The following CMAS variants were observed in gnomAD, a reference collection of about 807,000 sequenced individuals.
CMAS encodes N-acylneuraminate cytidylyltransferase.
In CMAS, 21 loss-of-function variants were observed where a neutral mutation model predicts 53.4. The observed-to-expected ratio is 0.39, with a 90% CI of 0.28 to 0.57. CMAS has a LOEUF of 0.57. Ranked by LOEUF, CMAS falls within the 20% of genes least tolerant of loss-of-function variation. The pLI is 0.56. For missense variants in CMAS, 384 were observed against 534.9 expected, an observed-to-expected ratio of 0.72 and a Z score of 2.78; for synonymous variants, 189 against 195.2, an observed-to-expected ratio of 0.97 and a Z score of 0.27.
At position 22,061,261 on chromosome 12, in the gene CMAS, TCTATTTTGGTTTCTTTTAGATATGG is replaced by T. The variant is rs756173897; in HGVS notation, c.789-10_803del. On this transcript the variant is annotated splice_acceptor_variant and splice_polypyrimidine_tract_variant and coding_sequence_variant and intron_variant, in exon 6 of 8. Coordinates refer to ENST00000229329, the MANE Select transcript of CMAS (RefSeq NM_018686.6). LOFTEE classifies it high-confidence loss of function. ...TTAGTACTGCACTTGTACTCAAAGG[TCTATTTTGGTTTCTTTTAGATATGG>T]CTATTTTGGCAAAGAGAAGCTTAAG... is the stretch of plus-strand genomic sequence containing the variant. 2 of 1,582,684 alleles carry T rather than the reference TCTATTTTGGTTTCTTTTAGATATGG, an allele frequency of 1.3e-6. No homozygotes were observed. Among genetic ancestry groups the T allele is most frequent in the South Asian group, 2.2e-5 (2 of 89,766 alleles).
At position 22,055,464 on chromosome 12, in the gene CMAS, T is replaced by A; in HGVS notation, c.413T>A (p.Ile138Asn). The change falls in exon 3 of 8, where the codon ATT becomes AAT. Residue 138 changes from isoleucine (I) to asparagine (N), a missense_variant. Around this residue, in one of 3 missense-constraint regions of CMAS, gnomAD observed 139 missense variants for 248.0 expected, o/e 0.56. Coordinates refer to ENST00000229329, the MANE Select transcript of CMAS (RefSeq NM_018686.6). ...EFLNYHNEVD[I>N]VGNIQATSPC... ...CTCTTGTCTTTTTAAGAGGTTGACA[T>A]TGTAGGAAATATTCAAGCTACTTCT... 1 of 1,590,222 alleles carries A rather than the reference T, an allele frequency of 6.3e-7. No homozygotes were observed. The highest frequency in any genetic ancestry group is 8.5e-7 in the Non-Finnish European group (1 of 1,173,348).
chr12:22,056,542 G>A lies in CMAS; in HGVS notation c.559+932G>A, dbSNP rs2138183661. ...GGTGTCTTATTAGGAGATACATCTTGTATGTGTTACTGACACTCACACCCA... is the reference window on the plus strand; with the variant it reads ...GGTGTCTTATTAGGAGATACATCTTATATGTGTTACTGACACTCACACCCA... On this transcript the variant is annotated intron_variant, in intron 3 of 7. Coordinates refer to ENST00000229329, the MANE Select transcript of CMAS (RefSeq NM_018686.6). Among the ~76,000 whole-genome samples, 2 of 152,236 alleles carry A rather than the reference G, an allele frequency of 1.3e-5. 1 individual carries two copies. Among genetic ancestry groups the A allele is most frequent in the South Asian group, 4.2e-4 (2 of 4,812 alleles).
chr12:22,057,225 T>TCA (rs758020700), intron 3 of CMAS, among the ~76,000 whole-genome samples: 2 of 144,014 alleles, frequency 1.4e-5, no homozygotes, highest in Non-Finnish European at 3.1e-5. Context: ...TAACCAGCTA[T>TCA]TACACACACA....
chr12:22,053,607 C>T (rs1036128549), intron 1 of CMAS, among the ~76,000 whole-genome samples: 3 of 151,048 alleles, frequency 2.0e-5, no homozygotes, highest in Non-Finnish European at 4.4e-5. Flanking sequence ...GGGCCGGGCA[C>T]GGTGGCTCAC....
chr12:22,051,284 C>T (rs1472778123), intron 1 of CMAS, among the ~76,000 whole-genome samples: 1 of 152,148 alleles, frequency 6.6e-6, no homozygotes, highest in African/African-American at 2.4e-5. Flanking sequence ...AACAGTGGTT[C>T]AGTGCTGTGT....
At position 22,065,585 on chromosome 12, in the gene CMAS, G is replaced by A. The variant is rs952614688; in HGVS notation, c.*274G>A. On this transcript the variant is annotated 3_prime_UTR_variant, in exon 8 of 8. Transcript: ENST00000229329. Reference sequence around the variant, plus strand: ...AACTGTGTGTTTGTGTGCTTTCAAAGATGTTGGGATTTTATTTATCTGGGG... The same window carrying A: ...AACTGTGTGTTTGTGTGCTTTCAAAAATGTTGGGATTTTATTTATCTGGGG... 3.9e-6 allele frequency: 1 copy of A among 254,478 alleles called. No homozygotes were observed. The highest frequency in any genetic ancestry group is 2.2e-5 in the African/African-American group (1 of 45,372). The allele number at this position is 254,478 out of a possible 1,614,324, so 15.8% of individuals were successfully genotyped here.
rs1195887932 is a variant in CMAS at position 22,055,439 on chromosome 12, C to G, written c.404-16C>G. The G allele has an allele frequency of 6.4e-7, 1 of 1,563,898 alleles. No homozygotes were observed. Among genetic ancestry groups the G allele is most frequent in the South Asian group, 1.2e-5 (1 of 82,840 alleles). ...TTTTTTTTAAATATCCTTTTCATTTCTCTTGTCTTTTTAAGAGGTTGACAT... is the reference window on the plus strand; with the variant it reads ...TTTTTTTTAAATATCCTTTTCATTTGTCTTGTCTTTTTAAGAGGTTGACAT... On this transcript the variant is annotated splice_polypyrimidine_tract_variant and intron_variant, in intron 2 of 7. Coordinates refer to ENST00000229329, the MANE Select transcript of CMAS (RefSeq NM_018686.6).
chr12:22,048,176 GC>G (rs1393405598), intron 1 of CMAS, among the ~76,000 whole-genome samples: 3 of 152,174 alleles, frequency 2.0e-5, no homozygotes, highest in Non-Finnish European at 4.4e-5. Flanking sequence ...AGTAGAGACA[GC>G]CCTTAGTCTC....
Position 22,063,585 on chromosome 12 carries a change from T to C in CMAS, c.1114+1151T>C, listed in dbSNP as rs535390367. On this transcript the variant is annotated intron_variant, in intron 7 of 7. Coordinates refer to ENST00000229329, the MANE Select transcript of CMAS (RefSeq NM_018686.6). Reference sequence around the variant, plus strand: ...CAGATAGTAATAAGTGTATCATTTATATAGGTAAAACTCTAGAATTATATG... The same window carrying C: ...CAGATAGTAATAAGTGTATCATTTACATAGGTAAAACTCTAGAATTATATG... 3.9e-5 allele frequency among the ~76,000 whole-genome samples: 6 copies of C among 152,262 alleles called. No homozygotes were observed. The South Asian group carries it at 1.2e-3, about 32-fold the overall frequency.
intron 1 of CMAS, among the ~76,000 whole-genome samples, chr12:22,049,597 C>G (rs1373744762): frequency 6.6e-6 from 1 of 152,186 alleles, no homozygotes; most frequent in Non-Finnish European, 1.5e-5. Context: ...CCTGTGGTAT[C>G]TGTCACTATA....
intron 1 of CMAS, among the ~76,000 whole-genome samples, chr12:22,046,782 C>G (rs1249538800): frequency 1.3e-5 from 2 of 152,228 alleles, no homozygotes; most frequent in Non-Finnish European, 2.9e-5. Flanking sequence ...TGGTCATAAC[C>G]TGGGACAGTT....
chr12:22,061,461 TC>T lies in CMAS; in HGVS notation c.960+12del. The T allele has an allele frequency of 6.6e-7, 1 of 1,518,904 alleles. No individual in the cohort carries two copies. The allele number at this position is 1,518,904 out of a possible 1,614,324, so 94.1% of individuals were successfully genotyped here. A position where few individuals can be genotyped will look rare whatever the true frequency, so the allele number is the denominator to read the frequency against. ...AGAAAAGTGGTATTGAGGTATGTGC[TC>T]CCTGAATATAGCAGTATTTTATAAT... On this transcript the variant is annotated intron_variant, in intron 6 of 7. Coordinates refer to ENST00000229329, the MANE Select transcript of CMAS (RefSeq NM_018686.6).
chr12:22,053,488 G>GTATA (rs553406435), intron 1 of CMAS, among the ~76,000 whole-genome samples: 7 of 144,830 alleles, frequency 4.8e-5, no homozygotes, highest in African/African-American at 1.8e-4. Flanking sequence ...GTTTGTGTGT[G>GTATA]TATATATATA....
chr12:22,061,179 A>G (rs1565531768), intron 5 of CMAS, 102 bp from the exon 6 acceptor site: 1 of 845,700 alleles, frequency 1.2e-6, no homozygotes, highest in Non-Finnish European at 2.0e-6. Context: ...TAATGTTTGA[A>G]TAATTGAATG....
intron 6 of CMAS, among the ~76,000 whole-genome samples, chr12:22,061,797 C>T (rs1950309712): frequency 6.6e-6 from 1 of 152,128 alleles, no homozygotes. Context: ...TTTTTAAAAT[C>T]TAGCTTATTC....
intron 1 of CMAS, 45 bp from the exon 2 acceptor site, chr12:22,055,104 G>A (rs1315092785): frequency 6.8e-7 from 1 of 1,481,234 alleles, no homozygotes; most frequent in East Asian, 2.4e-5. Flanking sequence ...TATTGTTAAT[G>A]ATTTCTTTTG....
At chr12:22,062,242 T>TC in intron 6 of CMAS, 39 bp from the exon 7 acceptor site, 3 of 1,536,892 alleles carry the variant, frequency 2.0e-6, no homozygotes, top group Middle Eastern at 1.8e-4. Context: ...TTTTAATTTT[T>TC]CCCTTCTTCC....
At chr12:22,063,352 T>TTTG (rs1320153956) in intron 7 of CMAS, among the ~76,000 whole-genome samples, 1 of 152,146 alleles carries the variant, frequency 6.6e-6, no homozygotes, top group African/African-American at 2.4e-5. Flanking sequence ...CTGCAGAATG[T>TTTG]TTGTTAAAGA....
In CMAS at chr12:22,061,268, T is replaced by C; in HGVS notation, c.789-13T>C. On this transcript the variant is annotated splice_polypyrimidine_tract_variant and intron_variant, in intron 5 of 7. Coordinates refer to ENST00000229329, the MANE Select transcript of CMAS (RefSeq NM_018686.6). ...TGCACTTGTACTCAAAGGTCTATTT[T>C]GGTTTCTTTTAGATATGGCTATTTT... The C allele has an allele frequency of 6.2e-7, 1 of 1,600,252 alleles. No individual in the cohort carries two copies. Among genetic ancestry groups the C allele is most frequent in the East Asian group, 2.2e-5 (1 of 44,658 alleles).
Sources: gnomAD v4.1 joint callset for allele counts (sites outside exome capture counted in the v4.1 genomes callset) on GRCh38, gnomAD v4.1.1 for gene constraint, gnomAD v4.1.1 regional missense constraint, MANE v1.5 for transcripts, NCBI Gene and HGNC (gene_info 2026-07-23, HGNC 2026-07-21) for gene names.